SERGEF: variants seen among roughly 807,000 people sequenced by gnomAD.
The protein encoded by SERGEF is secretion-regulating guanine nucleotide exchange factor.
Under a neutral mutation model 50.0 loss-of-function variants are expected in SERGEF, and 51 were observed. The ratio of observed to expected loss-of-function variants is 1.02; its 90% CI spans 0.81 to 1.29. SERGEF has a LOEUF of 1.29. Among genes scored for constraint, SERGEF ranks in the 50% most tolerant of loss-of-function variants. The pLI, the probability that SERGEF is intolerant of heterozygous loss-of-function variation, is 0.00. For synonymous variants in SERGEF, 205 were observed against 212.4 expected (o/e 0.97, Z 0.30); for missense variants, 521 against 557.0 (o/e 0.94, Z 0.65).
intron 9 of SERGEF, among the ~76,000 whole-genome samples, chr11:17,955,948 T>C (rs1018039611): frequency 1.6e-4 from 25 of 152,180 alleles, no homozygotes; most frequent in African/African-American, 5.1e-4. Context: ...TGCTGGGGTA[T>C]ACATGTGCAG....
chr11:17,899,874 T>C (rs1000778608), intron 9 of SERGEF, among the ~76,000 whole-genome samples: 8 of 151,364 alleles, frequency 5.3e-5, no homozygotes, highest in African/African-American at 1.9e-4. Context: ...GAGGATGGCT[T>C]GAGCCCAGGA....
intron 3 of SERGEF, among the ~76,000 whole-genome samples, chr11:18,005,011 T>C (rs1019224793): frequency 2.6e-5 from 4 of 152,188 alleles, no homozygotes; most frequent in African/African-American, 7.2e-5. Context: ...ATAGGAAGCA[T>C]TTCCCTGTGG....
intron 10 of SERGEF, among the ~76,000 whole-genome samples, chr11:17,808,050 G>A (rs1394101647): frequency 6.6e-6 from 1 of 152,080 alleles, no homozygotes; most frequent in Non-Finnish European, 1.5e-5. Flanking sequence ...GAGTTTCTTG[G>A]GGCTAAAGGC....
chr11:17,917,234 C>T (rs138365248), intron 9 of SERGEF, among the ~76,000 whole-genome samples: 2 of 152,134 alleles, frequency 1.3e-5, no homozygotes, highest in South Asian at 2.1e-4. Context: ...TACTACTCAG[C>T]CATAAAAAGG....
intron 9 of SERGEF, among the ~76,000 whole-genome samples, chr11:17,916,830 T>TAAGA (rs1852057395): frequency 6.6e-6 from 1 of 152,244 alleles, no homozygotes; most frequent in South Asian, 2.1e-4. Flanking sequence ...CTGTTTTTTC[T>TAAGA]TATTAACTTC....
chr11:17,918,884 G>C (rs1029856186), intron 9 of SERGEF: 1 of 342,682 alleles, frequency 2.9e-6, no homozygotes, highest in Non-Finnish European at 5.7e-6. Flanking sequence ...TTACAGAACT[G>C]CAAGTTATCC....
At chr11:17,831,604 G>A (rs971429836) in intron 10 of SERGEF, among the ~76,000 whole-genome samples, 8 of 152,228 alleles carry the variant, frequency 5.3e-5, no homozygotes, top group African/African-American at 1.9e-4. Flanking sequence ...AGGCCTTCTA[G>A]GGAAGAGGAA....
At chr11:17,792,548 C>G (rs1258152786) in intron 10 of SERGEF, among the ~76,000 whole-genome samples, 1 of 152,108 alleles carries the variant, frequency 6.6e-6, no homozygotes, top group Non-Finnish European at 1.5e-5. Flanking sequence ...CCGGGGTAGC[C>G]AAAGGACTAG....
At chr11:17,988,862 CT>C in intron 7 of SERGEF, 107 bp from the exon 8 acceptor site, 1 of 1,118,528 alleles carries the variant, frequency 8.9e-7, no homozygotes, top group Non-Finnish European at 1.3e-6. Flanking sequence ...TTGTTTTATA[CT>C]TAGACTACAA....
In SERGEF at chr11:17,988,976, T is replaced by C. The variant is rs560268603; in HGVS notation, c.686-221A>G. The stretch of plus-strand genomic sequence containing the variant: ...CATAAAAAACAAGGCCAAATGTTCT[T>C]AGTAGCTTAAGAAATAAAAATGTGT... On this transcript the variant is annotated intron_variant, in intron 7 of 10. Transcript: ENST00000265965. 4.6e-5 allele frequency among the ~76,000 whole-genome samples: 7 copies of C among 152,358 alleles called. No individual in the cohort carries two copies. In the South Asian group the frequency reaches 1.5e-3, roughly 32 times the overall value.
chr11:17,896,229 T>C (rs545192473), intron 9 of SERGEF, among the ~76,000 whole-genome samples: 6 of 152,258 alleles, frequency 3.9e-5, no homozygotes, highest in East Asian at 3.9e-4. Context: ...GGTAGCAATA[T>C]TGAAATGATA....
At chr11:17,814,289 G>C (rs1450509202) in intron 10 of SERGEF, among the ~76,000 whole-genome samples, 1 of 152,166 alleles carries the variant, frequency 6.6e-6, no homozygotes, top group Non-Finnish European at 1.5e-5. Flanking sequence ...CCAGTTAAAG[G>C]CTCTAAAAGC....
At chr11:17,927,332 C>A (rs767522470) in intron 9 of SERGEF, among the ~76,000 whole-genome samples, 4 of 152,174 alleles carry the variant, frequency 2.6e-5, no homozygotes, top group South Asian at 2.1e-4. Context: ...TGCTTAAGAT[C>A]CCGTGGTAAA....
chr11:17,968,706 A>AT (rs879387382), intron 8 of SERGEF, among the ~76,000 whole-genome samples: 1,442 of 92,426 alleles, frequency 0.016, 13 homozygotes, highest in Non-Finnish European at 0.023. Context: ...CCTGTCTCTA[A>AT]TTTAAAAAAA....
At chr11:17,965,182 T>C (rs754133024) in intron 8 of SERGEF, among the ~76,000 whole-genome samples, 10 of 152,192 alleles carry the variant, frequency 6.6e-5, no homozygotes, top group Non-Finnish European at 1.3e-4. Flanking sequence ...CATGCTGTTC[T>C]CATGATAGTG....
rs2133971510 is a variant in SERGEF at position 17,959,654 on chromosome 11, T to C, written c.845-18A>G. The C allele has an allele frequency of 1.2e-6, 2 of 1,601,572 alleles. No homozygotes were observed. Among genetic ancestry groups the C allele is most frequent in the Middle Eastern group, 1.7e-4 (1 of 5,992 alleles). ...GCCAGTTTCTAAAAACAAATATTAT[T>C]TGAATTAAGACTACATTCCACAGCT... On this transcript the variant is annotated intron_variant, in intron 8 of 10. Transcript: ENST00000265965.
chr11:17,821,947 A>C (rs1460397402), intron 10 of SERGEF, among the ~76,000 whole-genome samples: 1 of 152,172 alleles, frequency 6.6e-6, no homozygotes, highest in African/African-American at 2.4e-5. Flanking sequence ...AATTCTCCCC[A>C]AAAAAGGGGT....
chr11:17,801,552 G>T (rs1367562151), intron 10 of SERGEF, among the ~76,000 whole-genome samples: 1 of 152,194 alleles, frequency 6.6e-6, no homozygotes, highest in Non-Finnish European at 1.5e-5. Context: ...AATTAAAACT[G>T]ATTCCTTGAG....
At chr11:17,876,913 CA>C (rs1386553975) in intron 10 of SERGEF, among the ~76,000 whole-genome samples, 1 of 152,350 alleles carries the variant, frequency 6.6e-6, no homozygotes, top group East Asian at 1.9e-4. Context: ...GCAAAGCATG[CA>C]GGTTTGCTGT....
Sources: gnomAD v4.1 joint callset for allele counts (sites outside exome capture counted in the v4.1 genomes callset) on GRCh38, gnomAD v4.1.1 for gene constraint, MANE v1.5 for transcripts, NCBI Gene and HGNC (gene_info 2026-07-23, HGNC 2026-07-21) for gene names.